The following CADM2 variants were observed in gnomAD, a reference collection of about 807,000 sequenced individuals.
CADM2 encodes the protein immunoglobulin superfamily member 4D.
CADM2 carries 12 observed loss-of-function variants against 49.8 expected under a neutral mutation model. That is an observed-to-expected ratio of 0.24 (90% CI 0.15 to 0.39). The LOEUF (loss-of-function observed/expected upper bound fraction) is 0.39. Among genes scored for constraint, CADM2 ranks in the 10% least tolerant of loss-of-function variants. CADM2 has a pLI of 1.00. For synonymous variants in CADM2, 214 were observed against 175.4 expected, an observed-to-expected ratio of 1.22 and a Z score of -1.74; for missense variants, 378 against 492.3, an observed-to-expected ratio of 0.77 and a Z score of 2.20.
chr3:85,733,690 T>G (rs531213337), intron 2 of CADM2, among the ~76,000 whole-genome samples: 2 of 152,318 alleles, frequency 1.3e-5, no homozygotes, highest in South Asian at 4.1e-4. Flanking sequence ...AGGCTCAATT[T>G]TGTATAGCAA....
At chr3:85,841,659 A>G (rs1450661563) in intron 3 of CADM2, among the ~76,000 whole-genome samples, 2 of 152,020 alleles carry the variant, frequency 1.3e-5, no homozygotes, top group African/African-American at 4.8e-5. Flanking sequence ...AGTGGACACA[A>G]TATCTGTAGC....
chr3:85,324,531 T>G (rs966557344), intron 1 of CADM2, among the ~76,000 whole-genome samples: 4 of 152,174 alleles, frequency 2.6e-5, no homozygotes, highest in Admixed American at 2.0e-4. Flanking sequence ...GAATTAAAGG[T>G]GAGTAAAACC....
intron 5 of CADM2, among the ~76,000 whole-genome samples, chr3:85,911,441 C>T (rs140475416): frequency 6.5e-4 from 99 of 152,320 alleles, no homozygotes; most frequent in African/African-American, 2.4e-3. Flanking sequence ...AGAAAGTACT[C>T]TTGTTCATGC....
intron 3 of CADM2, among the ~76,000 whole-genome samples, chr3:85,844,702 T>TA (rs1178285329): frequency 6.6e-6 from 1 of 152,188 alleles, no homozygotes; most frequent in Non-Finnish European, 1.5e-5. Context: ...AGTCTCCTAA[T>TA]AATTCTTGAT....
chr3:85,660,470 A>T (rs1355095614), intron 1 of CADM2, among the ~76,000 whole-genome samples: 1 of 151,648 alleles, frequency 6.6e-6, no homozygotes, highest in Admixed American at 6.6e-5. Context: ...AAAATGAACA[A>T]ATTTTCTAGT....
rs566044603 is a variant in CADM2 at position 85,310,928 on chromosome 3, G to A, written c.61+351260G>A. Reference sequence around the variant, plus strand: ...ATTGTTCTCATAATGAAGGGAGTGTGGTGAGTCTATGGGAAAAGTGAGTGG... The same window carrying A: ...ATTGTTCTCATAATGAAGGGAGTGTAGTGAGTCTATGGGAAAAGTGAGTGG... On this transcript the variant is annotated intron_variant, in intron 1 of 9. Coordinates refer to ENST00000383699, the MANE Select transcript of CADM2 (RefSeq NM_001167675.2). Among the ~76,000 whole-genome samples, 12 of 152,238 alleles carry A rather than the reference G, an allele frequency of 7.9e-5. No individual in the cohort carries two copies. In the South Asian group the frequency reaches 2.3e-3, roughly 29 times the overall value.
At chr3:85,829,283 T>A (rs1358177937) in intron 3 of CADM2, among the ~76,000 whole-genome samples, 2 of 151,902 alleles carry the variant, frequency 1.3e-5, no homozygotes, top group South Asian at 2.1e-4. Context: ...CTGCTTTTTT[T>A]TTGCTTTTAT....
intron 1 of CADM2, among the ~76,000 whole-genome samples, chr3:85,162,897 G>C (rs886707994): frequency 1.4e-4 from 21 of 151,836 alleles, no homozygotes; most frequent in African/African-American, 4.4e-4. Context: ...TTAAATGACA[G>C]TAATTAGTAT....
rs376237764 is a variant in CADM2 at position 85,083,925 on chromosome 3, G to A, written c.61+124257G>A. Among the ~76,000 whole-genome samples, 6 of 152,080 alleles carry A rather than the reference G, an allele frequency of 3.9e-5. No homozygotes were observed. The East Asian group carries it at 7.7e-4, about 20-fold the overall frequency. Reference sequence around the variant, plus strand: ...GAAAGAAATAGTCCATTAAAAATAAGCCTATAATGATCGATTGCATTTCTA... The same window carrying A: ...GAAAGAAATAGTCCATTAAAAATAAACCTATAATGATCGATTGCATTTCTA... On this transcript the variant is annotated intron_variant, in intron 1 of 9. Transcript: ENST00000383699.
At chr3:85,698,920 G>A (rs1234638994) in intron 1 of CADM2, among the ~76,000 whole-genome samples, 1 of 152,096 alleles carries the variant, frequency 6.6e-6, no homozygotes, top group East Asian at 1.9e-4. Context: ...CCAATGTCCT[G>A]TCTGAGACAA....
chr3:85,441,864 A>G (rs1346744752), intron 1 of CADM2, among the ~76,000 whole-genome samples: 1 of 152,104 alleles, frequency 6.6e-6, no homozygotes, highest in Non-Finnish European at 1.5e-5. Context: ...CAGAATTGAG[A>G]GGAGTGACTA....
chr3:85,908,102 T>C (rs1717042602), intron 5 of CADM2, among the ~76,000 whole-genome samples: 1 of 151,890 alleles, frequency 6.6e-6, no homozygotes, highest in African/African-American at 2.4e-5. Context: ...AAAACTTCAT[T>C]CTAAAAGTGG....
At chr3:85,244,262 G>T (rs2042599284) in intron 1 of CADM2, among the ~76,000 whole-genome samples, 1 of 152,070 alleles carries the variant, frequency 6.6e-6, no homozygotes, top group African/African-American at 2.4e-5. Flanking sequence ...ACACGCAAGG[G>T]CTGTGTACTT....
intron 1 of CADM2, among the ~76,000 whole-genome samples, chr3:85,016,078 A>G (rs1872556): frequency 0.73 from 110,720 of 152,036 alleles, 41,602 homozygotes; most frequent in African/African-American, 0.91. Flanking sequence ...TAATCCAGCA[A>G]CATATATCTG....
At chr3:85,575,922 A>G (rs1345446700) in intron 1 of CADM2, among the ~76,000 whole-genome samples, 1 of 152,228 alleles carries the variant, frequency 6.6e-6, no homozygotes, top group East Asian at 1.9e-4. Flanking sequence ...AAGTGAAAAT[A>G]CTAAGCGCTC....
intron 1 of CADM2, among the ~76,000 whole-genome samples, chr3:85,694,737 T>C (rs1175506282): frequency 1.3e-5 from 2 of 152,178 alleles, no homozygotes; most frequent in African/African-American, 4.8e-5. Flanking sequence ...GGGGCGTGGA[T>C]TGTGTCTTCA....
At chr3:85,666,710 C>G (rs201437926) in intron 1 of CADM2, among the ~76,000 whole-genome samples, 1 of 151,380 alleles carries the variant, frequency 6.6e-6, no homozygotes, top group Admixed American at 6.6e-5. Flanking sequence ...TTTCTTCCTT[C>G]GATATGGGAC....
intron 1 of CADM2, among the ~76,000 whole-genome samples, chr3:85,124,363 G>C (rs1383226504): frequency 6.6e-6 from 1 of 152,090 alleles, no homozygotes; most frequent in Non-Finnish European, 1.5e-5. Flanking sequence ...CAGCATTCTG[G>C]GAGGCAAATG....
rs539495168 is a variant in CADM2, at chr3:85,662,952, T to C, written c.62-63570T>C. ...GTTGCCTAGTTCCTTTTTCTCATGC[T>C]TGAATCCTACCCTTTCTGGGTGCCA... is the stretch of plus-strand genomic sequence containing the variant. On this transcript the variant is annotated intron_variant, in intron 1 of 9. Coordinates refer to ENST00000383699, the MANE Select transcript of CADM2 (RefSeq NM_001167675.2). Among the ~76,000 whole-genome samples the C allele has an allele frequency of 2.0e-5, 3 of 152,172 alleles. No individual in the cohort carries two copies. The East Asian group carries it at 5.8e-4, about 29-fold the overall frequency.
Sources: gnomAD v4.1 joint callset for allele counts (sites outside exome capture counted in the v4.1 genomes callset) on GRCh38, gnomAD v4.1.1 for gene constraint, MANE v1.5 for transcripts, NCBI Gene and HGNC (gene_info 2026-07-23, HGNC 2026-07-21) for gene names.